Variants in NAV1 observed in about 807,000 individuals in gnomAD.
NAV1 encodes neuron navigator 1.
In NAV1, 18 loss-of-function variants were observed where a neutral mutation model predicts 175.2. That is an observed-to-expected ratio of 0.10 (90% CI 0.07 to 0.15). The LOEUF (loss-of-function observed/expected upper bound fraction) is 0.15. Among genes scored for constraint, NAV1 ranks in the 10% least tolerant of loss-of-function variants. The pLI is 1.00. For missense variants in NAV1, 1,731 were observed against 2,436.6 expected, an observed-to-expected ratio of 0.71 and a Z score of 6.10; for synonymous variants, 897 against 978.7, an observed-to-expected ratio of 0.92 and a Z score of 1.56.
At position 201,613,305 on chromosome 1, in the gene NAV1, C is replaced by T. The variant is rs539413919; in HGVS notation, c.-32-9548C>T. ...TTGGTTACCCTCTCCCCGCCTCCCCCCCGCCACCAACCCCATATAAATGGA... is the reference window on the plus strand; with the variant it reads ...TTGGTTACCCTCTCCCCGCCTCCCCTCCGCCACCAACCCCATATAAATGGA... On this transcript the variant is annotated intron_variant, in intron 2 of 33. Coordinates refer to the NAV1 transcript ENST00000685211. Among the ~76,000 whole-genome samples, 4 of 152,150 alleles carry T rather than the reference C, an allele frequency of 2.6e-5. No homozygotes were observed. The East Asian group carries it at 5.8e-4, about 22-fold the overall frequency.
upstream of NAV1, among the ~76,000 whole-genome samples, chr1:201,645,809 T>C (rs1571860454): frequency 6.6e-6 from 1 of 152,254 alleles, no homozygotes; most frequent in Non-Finnish European, 1.5e-5. Context: ...TAAGAGCAAC[T>C]GTAACCTGGT....
At chr1:201,733,022 G>A (rs1672932553) in intron 3 of NAV1, among the ~76,000 whole-genome samples, 2 of 152,106 alleles carry the variant, frequency 1.3e-5, no homozygotes, top group Middle Eastern at 3.4e-3. Context: ...AGTGAGCTGA[G>A]ATCATACCAC....
rs183879521 is a variant in NAV1, at chr1:201,740,955, T to A, written c.1226+22200T>A. On this transcript the variant is annotated intron_variant, in intron 3 of 29. Coordinates refer to ENST00000367296, the Ensembl canonical transcript of NAV1. This position sits in a 1 kb window ranked among gnomAD's most constrained non-coding sequence, Gnocchi z 4.7. ...GGGGAGGCTTCCCATCTCACTATTCTCACCCCATATACACTCTCCTTCCCC... is the reference window on the plus strand; with the variant it reads ...GGGGAGGCTTCCCATCTCACTATTCACACCCCATATACACTCTCCTTCCCC... Among the ~76,000 whole-genome samples the A allele has an allele frequency of 6.6e-6, 1 of 152,156 alleles. No individual in the cohort carries two copies. Among genetic ancestry groups the A allele is most frequent in the Non-Finnish European group, 1.5e-5 (1 of 67,968 alleles).
At position 201,583,945 on chromosome 1, in the gene NAV1, ACT is replaced by A. The variant is rs577333129; in HGVS notation, c.-143-4587_-143-4586del. Among the ~76,000 whole-genome samples the A allele has an allele frequency of 9.2e-5, 14 of 152,208 alleles. No individual in the cohort carries two copies. In the South Asian group the frequency reaches 2.9e-3, roughly 32 times the overall value. On this transcript the variant is annotated intron_variant, in intron 1 of 33. Coordinates refer to the NAV1 transcript ENST00000685211. Reference sequence around the variant, plus strand: ...CAGCGTGTCCTTCAGCAAGTCACTTACTCTCTCTGTACTCCAACTTCGTCCTC... The same window carrying A: ...CAGCGTGTCCTTCAGCAAGTCACTTACTCTCTGTACTCCAACTTCGTCCTC...
At chr1:201,710,139 G>T (rs966353890) in intron 1 of NAV1, among the ~76,000 whole-genome samples, 2 of 142,144 alleles carry the variant, frequency 1.4e-5, no homozygotes, top group Non-Finnish European at 3.0e-5. Context: ...TGAGGCTACT[G>T]TGTGGTTTAA....
At chr1:201,704,762 C>G (rs890286025) in intron 1 of NAV1, among the ~76,000 whole-genome samples, 1 of 152,244 alleles carries the variant, frequency 6.6e-6, no homozygotes, top group Non-Finnish European at 1.5e-5. Context: ...GGGTGACACC[C>G]TGGTATCTGC....
At chr1:201,773,385 G>A (rs1305473889) in intron 3 of NAV1, among the ~76,000 whole-genome samples, 2 of 152,164 alleles carry the variant, frequency 1.3e-5, no homozygotes, top group Non-Finnish European at 2.9e-5. Context: ...GTCAGTAACA[G>A]AGAGCTAATG....
chr1:201,703,081 G>A (rs506093), intron 1 of NAV1, among the ~76,000 whole-genome samples: 7,002 of 152,178 alleles, frequency 0.046, 205 homozygotes, highest in African/African-American at 0.067. Context: ...CCCCACTCCC[G>A]TCCCCATTTG....
intron 1 of NAV1, among the ~76,000 whole-genome samples, chr1:201,703,685 C>T (rs989026234): frequency 6.6e-6 from 1 of 152,256 alleles, no homozygotes; most frequent in African/African-American, 2.4e-5. Context: ...AAGTTTGCTG[C>T]CAAAGGCTGC....
rs2819385 is a variant in NAV1 at position 201,665,780 on chromosome 1, G to A, written c.757+16355G>A. ...CTGCCTCCCTGCCCACTCCCAGCCCGACAGTAAACCTGCTGCTGCTTGGAG... is the reference window on the plus strand; with the variant it reads ...CTGCCTCCCTGCCCACTCCCAGCCCAACAGTAAACCTGCTGCTGCTTGGAG... On this transcript the variant is annotated intron_variant, in intron 1 of 29. Transcript: ENST00000367296. 9.8e-3 allele frequency among the ~76,000 whole-genome samples: 1,485 copies of A among 151,814 alleles called. 21 individuals are homozygous for A. Among genetic ancestry groups the A allele is most frequent in the African/African-American group, 0.035 (1,427 of 41,348 alleles).
At position 201,813,819 on chromosome 1, in the gene NAV1, A is replaced by T. The variant is rs1246918111; in HGVS notation, c.5340+561A>T. On this transcript the variant is annotated intron_variant, in intron 28 of 29. Transcript: ENST00000367296. This position sits in a 1 kb window ranked among gnomAD's most constrained non-coding sequence, Gnocchi z 4.2. ...ATGCCTGTAATCCCAGCACTGTGGG[A>T]GGCCGAGGCGGGCAGATCACCAGGT... 1.3e-5 allele frequency among the ~76,000 whole-genome samples: 2 copies of T among 152,242 alleles called. No individual in the cohort carries two copies. The highest frequency in any genetic ancestry group is 2.9e-5 in the Non-Finnish European group (2 of 68,040).
In NAV1 at chr1:201,539,822, TG is replaced by T. The variant is rs952436830; in HGVS notation, c.-144+484del. ...TCCCAGCAGGAGCCAGAGGAACAGC[TG>T]GGGCAGGTGACCTCGCGGGCCGTTC... On this transcript the variant is annotated intron_variant, in intron 1 of 33. Transcript: ENST00000685211. The surrounding 1 kb of genome is among the most constrained non-coding windows in gnomAD (Gnocchi z 5.6). Among the ~76,000 whole-genome samples, 1 of 152,154 alleles carries T rather than the reference TG, an allele frequency of 6.6e-6. No individual in the cohort carries two copies. The highest frequency in any genetic ancestry group is 6.5e-5 in the Admixed American group (1 of 15,276).
chr1:201,637,715 A>G (rs1668647773), intron 2 of NAV1, among the ~76,000 whole-genome samples: 1 of 152,160 alleles, frequency 6.6e-6, no homozygotes, highest in Admixed American at 6.5e-5. Context: ...GCTTGTCCCC[A>G]TCCAACACAT....
intron 1 of NAV1, among the ~76,000 whole-genome samples, chr1:201,681,657 T>C (rs1157037762): frequency 2.0e-5 from 3 of 152,168 alleles, no homozygotes; most frequent in Non-Finnish European, 4.4e-5. Flanking sequence ...TCTTCACCTA[T>C]AAACATCTTA....
intron 1 of NAV1, among the ~76,000 whole-genome samples, chr1:201,657,928 G>C (rs1329459653): frequency 6.6e-6 from 1 of 152,164 alleles, no homozygotes; most frequent in Non-Finnish European, 1.5e-5. Flanking sequence ...AGCTACTTGG[G>C]AGGCTGAGGT....
intron 1 of NAV1, among the ~76,000 whole-genome samples, chr1:201,710,635 G>C (rs1671865648): frequency 6.6e-6 from 1 of 152,206 alleles, no homozygotes; most frequent in Non-Finnish European, 1.5e-5. Context: ...TAGTGGTGCA[G>C]AGATGCCCTG....
At chr1:201,707,970 C>T (rs1373122421) in intron 1 of NAV1, among the ~76,000 whole-genome samples, 2 of 152,308 alleles carry the variant, frequency 1.3e-5, no homozygotes, top group East Asian at 3.9e-4. Flanking sequence ...GATCAGTCCC[C>T]TGGCTCAAAT....
chr1:201,578,778 A>G (rs574023888), intron 1 of NAV1, among the ~76,000 whole-genome samples: 3 of 152,120 alleles, frequency 2.0e-5, no homozygotes, highest in African/African-American at 7.2e-5. Flanking sequence ...TGAACTATCT[A>G]TCATCTAAAA....
rs1376029477 is a variant in NAV1, at chr1:201,794,647, T to C, written c.3517+70T>C. On this transcript the variant is annotated intron_variant, in intron 15 of 29. Coordinates refer to ENST00000367296, the Ensembl canonical transcript of NAV1. ...AGTAAGAGTATTACAGATTTTTATC[T>C]GGGCCCATAGTATTCCAAGTCCTAT... 3 of 1,358,174 alleles carry C rather than the reference T, an allele frequency of 2.2e-6. 1 individual carries two copies. The South Asian group carries it at 3.5e-5, about 16-fold the overall frequency. The allele number at this position is 1,358,174 out of a possible 1,614,324, so 84.1% of individuals were successfully genotyped here.
Sources: gnomAD v4.1 joint callset for allele counts (sites outside exome capture counted in the v4.1 genomes callset) on GRCh38, gnomAD v4.1.1 for gene constraint, Gnocchi (gnomAD v3.1) non-coding constraint, MANE v1.5 for transcripts, NCBI Gene and HGNC (gene_info 2026-07-23, HGNC 2026-07-21) for gene names.